TBC1D23: variants seen among roughly 807,000 people sequenced by gnomAD.
TBC1D23 encodes the protein TBC1 domain family member 23.
Under a neutral mutation model 91.4 loss-of-function variants are expected in TBC1D23, and 55 were observed. That is an observed-to-expected ratio of 0.60 (90% CI 0.48 to 0.75). The LOEUF is 0.75. Ranked by LOEUF, TBC1D23 falls within the 30% of genes least tolerant of loss-of-function variation. The pLI, the probability that TBC1D23 is intolerant of heterozygous loss-of-function variation, is 0.00. For missense variants in TBC1D23, 725 were observed against 836.1 expected, an observed-to-expected ratio of 0.87 and a Z score of 1.64; for synonymous variants, 289 against 281.0, an observed-to-expected ratio of 1.03 and a Z score of -0.28.
Position 100,302,061 on chromosome 3 carries a change from G to A in TBC1D23, c.1093-6G>A, listed in dbSNP as rs771599955. 3.8e-6 allele frequency: 6 copies of A among 1,591,192 alleles called. No homozygotes were observed. Among genetic ancestry groups the A allele is most frequent in the Non-Finnish European group, 5.1e-6 (6 of 1,171,656 alleles). The stretch of plus-strand genomic sequence containing the variant: ...TCAAGTTTTTAACTTTAAAAAAATT[G>A]TCTAGATGCTTCAGAATCCATCTGA... On this transcript the variant is annotated splice_region_variant and splice_polypyrimidine_tract_variant and intron_variant, in intron 10 of 18. Transcript: ENST00000394144.
intron 14 of TBC1D23, 97 bp from the exon 15 acceptor site, chr3:100,311,736 G>A (rs1211162751): frequency 1.2e-6 from 1 of 800,842 alleles, no homozygotes; most frequent in Non-Finnish European, 2.1e-6. Context: ...GTACACTCTG[G>A]GTGAGAAAAA....
intron 16 of TBC1D23, among the ~76,000 whole-genome samples, chr3:100,316,965 C>T (rs937072056): frequency 3.3e-5 from 5 of 151,812 alleles, no homozygotes; most frequent in African/African-American, 1.2e-4. Context: ...TGCCCATAAT[C>T]CCAGCTAATT....
At chr3:100,310,090 G>A (rs1380540626) in intron 13 of TBC1D23, among the ~76,000 whole-genome samples, 1 of 152,164 alleles carries the variant, frequency 6.6e-6, no homozygotes, top group Non-Finnish European at 1.5e-5. Context: ...TCTCTCCTTG[G>A]CTTGCAGATG....
chr3:100,266,031 A>G (rs1342010583), intron 1 of TBC1D23, among the ~76,000 whole-genome samples: 1 of 152,164 alleles, frequency 6.6e-6, no homozygotes, highest in Non-Finnish European at 1.5e-5. Context: ...TGTAAAAGAA[A>G]AAGGAACTGT....
At chr3:100,275,485 T>C (rs1325608162) in intron 1 of TBC1D23, among the ~76,000 whole-genome samples, 1 of 152,086 alleles carries the variant, frequency 6.6e-6, no homozygotes, top group African/African-American at 2.4e-5. Flanking sequence ...ATGGGTTTTT[T>C]CCATGTTGCC....
chr3:100,312,821 T>C (rs1182163397), intron 15 of TBC1D23, among the ~76,000 whole-genome samples: 2 of 152,144 alleles, frequency 1.3e-5, no homozygotes, highest in African/African-American at 4.8e-5. Context: ...TCTCAGTGAC[T>C]TGAAGTAGCA....
intron 1 of TBC1D23, among the ~76,000 whole-genome samples, chr3:100,265,588 T>G (rs1426413293): frequency 6.6e-6 from 1 of 152,216 alleles, no homozygotes; most frequent in African/African-American, 2.4e-5. Context: ...GAACATATGT[T>G]CTCATTTTCC....
chr3:100,282,599 T>A (rs1249256634), intron 3 of TBC1D23, among the ~76,000 whole-genome samples: 1 of 152,240 alleles, frequency 6.6e-6, no homozygotes, highest in Non-Finnish European at 1.5e-5. Context: ...TAGTTTATAC[T>A]TCTTTTAAAT....
chr3:100,299,157 A>G (rs1433423051), intron 9 of TBC1D23, 82 bp from the exon 10 acceptor site: 1 of 856,134 alleles, frequency 1.2e-6, no homozygotes, highest in Non-Finnish European at 1.9e-6. Context: ...TGTTCCCTTT[A>G]TTTGGTTAAC....
intron 10 of TBC1D23, among the ~76,000 whole-genome samples, chr3:100,300,770 G>T (rs897912560): frequency 1.3e-5 from 2 of 152,052 alleles, no homozygotes; most frequent in African/African-American, 4.8e-5. Flanking sequence ...AAAGTGCAGG[G>T]ATTACAGGCG....
intron 3 of TBC1D23, among the ~76,000 whole-genome samples, chr3:100,282,087 G>A (rs551762050): frequency 3.9e-4 from 59 of 152,306 alleles, no homozygotes; most frequent in African/African-American, 1.4e-3. Flanking sequence ...AAGGCAGACA[G>A]ATCACTTGAG....
At chr3:100,263,661 A>G (rs1419733113) in intron 1 of TBC1D23, among the ~76,000 whole-genome samples, 2 of 152,260 alleles carry the variant, frequency 1.3e-5, no homozygotes, top group Non-Finnish European at 2.9e-5. Context: ...AGAATCAGTG[A>G]CAGACATTAC....
intron 10 of TBC1D23, among the ~76,000 whole-genome samples, chr3:100,299,871 C>T (rs1036770): frequency 0.51 from 77,898 of 152,026 alleles, 20,487 homozygotes; most frequent in East Asian, 0.58. Flanking sequence ...GGCTTACTAT[C>T]GCTTACCATT....
Position 100,304,835 on chromosome 3 carries a change from T to G in TBC1D23, c.1264-11T>G, listed in dbSNP as rs761998544. ...GTTTTGGAAGAATTTAAATTTTCTT[T>G]TCCATTACAGAAAAACAAAGAATAT... On this transcript the variant is annotated splice_polypyrimidine_tract_variant and intron_variant, in intron 11 of 18. Coordinates refer to ENST00000394144, the MANE Select transcript of TBC1D23 (RefSeq NM_001199198.3). 1.4e-6 allele frequency: 2 copies of G among 1,400,828 alleles called. No homozygotes were observed. The highest frequency in any genetic ancestry group is 2.0e-6 in the Non-Finnish European group (2 of 988,722). 86.8% of individuals were successfully genotyped at this position (1,400,828 alleles called of 1,614,324 possible). A position where few individuals can be genotyped will look rare whatever the true frequency, so the allele number is the denominator to read the frequency against.
chr3:100,297,811 C>A, intron 8 of TBC1D23, 112 bp from the exon 9 acceptor site: 1 of 849,712 alleles, frequency 1.2e-6, no homozygotes, highest in Non-Finnish European at 1.7e-6. Context: ...TTTAAAAAAT[C>A]ACAACTCAAG....
rs765887368 is a variant in TBC1D23 at position 100,306,429 on chromosome 3, A to G, written c.1307-8A>G. Reference sequence around the variant, plus strand: ...TAGGTTTTTCTTTTTTTTTTAATTTATCTTAAGCACTGCAGCAGCACCTGG... The same window carrying G: ...TAGGTTTTTCTTTTTTTTTTAATTTGTCTTAAGCACTGCAGCAGCACCTGG... On this transcript the variant is annotated splice_polypyrimidine_tract_variant and splice_region_variant and intron_variant, in intron 12 of 18. Coordinates refer to ENST00000394144, the MANE Select transcript of TBC1D23 (RefSeq NM_001199198.3). 22 of 1,545,720 alleles carry G rather than the reference A, an allele frequency of 1.4e-5. No homozygotes were observed. The highest frequency in any genetic ancestry group is 1.8e-5 in the Non-Finnish European group (20 of 1,127,502).
chr3:100,278,674 G>A (rs1362629184), intron 1 of TBC1D23, among the ~76,000 whole-genome samples: 1 of 152,144 alleles, frequency 6.6e-6, no homozygotes, highest in Admixed American at 6.5e-5. Context: ...GTGAGCCACT[G>A]CGCCCAGCTG....
intron 5 of TBC1D23, among the ~76,000 whole-genome samples, chr3:100,294,384 C>T (rs2067819719): frequency 6.6e-6 from 1 of 151,946 alleles, no homozygotes; most frequent in Non-Finnish European, 1.5e-5. Flanking sequence ...CCTCAGCCTC[C>T]CAAGTAGCTG....
At chr3:100,306,324 C>G in intron 12 of TBC1D23, 113 bp from the exon 13 acceptor site, 6 of 613,418 alleles carry the variant, frequency 9.8e-6, no homozygotes, top group Non-Finnish European at 1.7e-5. Flanking sequence ...GTGATTATTT[C>G]CTTCAGTCCT....
Sources: allele counts gnomAD v4.1 joint callset (sites outside exome capture counted in the v4.1 genomes callset), GRCh38; gene constraint gnomAD v4.1.1; transcripts MANE v1.5; gene names NCBI Gene and HGNC (gene_info 2026-07-23, HGNC 2026-07-21).